Variants in DIPK1A observed in about 807,000 individuals in gnomAD.
The protein encoded by DIPK1A is divergent protein kinase domain 1A.
Under a neutral mutation model 40.8 loss-of-function variants are expected in DIPK1A, and 27 were observed. The ratio of observed to expected loss-of-function variants is 0.66; its 90% CI spans 0.49 to 0.91. The LOEUF is 0.91. Among genes scored for constraint, DIPK1A ranks in the 40% least tolerant of loss-of-function variants. The pLI is 0.00. For missense variants in DIPK1A, 412 were observed against 505.7 expected (o/e 0.81, Z 1.78); for synonymous variants, 166 against 171.3 (o/e 0.97, Z 0.24).
chr1:92,936,765 T>C (rs1650961957), intron 1 of DIPK1A, among the ~76,000 whole-genome samples: 1 of 152,246 alleles, frequency 6.6e-6, no homozygotes, highest in Admixed American at 6.5e-5. Context: ...TATTGCTTTA[T>C]TGAGTGCTGT....
intron 1 of DIPK1A, among the ~76,000 whole-genome samples, chr1:92,914,389 T>A (rs949922176): frequency 1.3e-5 from 2 of 151,946 alleles, no homozygotes; most frequent in African/African-American, 4.8e-5. Flanking sequence ...AAAGTGGAAA[T>A]AGGAAGACAT....
At chr1:92,877,260 G>A in intron 1 of DIPK1A, 2 of 384,778 alleles carry the variant, frequency 5.2e-6, no homozygotes, top group Non-Finnish European at 7.1e-6. Context: ...ACTTGATCAA[G>A]ACTATTTGAC....
At chr1:92,897,695 T>C (rs1483449087) in intron 1 of DIPK1A, among the ~76,000 whole-genome samples, 1 of 151,944 alleles carries the variant, frequency 6.6e-6, no homozygotes, top group Non-Finnish European at 1.5e-5. Context: ...CATTGACCCA[T>C]TGGTCACTCA....
intron 1 of DIPK1A, among the ~76,000 whole-genome samples, chr1:92,945,256 A>G (rs1488645554): frequency 6.6e-6 from 1 of 152,312 alleles, no homozygotes; most frequent in East Asian, 1.9e-4. Context: ...AGATGGTGCC[A>G]GAAAAAGAAG....
At chr1:92,837,882 A>T, downstream of DIPK1A, 1 of 514,308 alleles carries the variant, frequency 1.9e-6, no homozygotes, top group Non-Finnish European at 3.5e-6. Flanking sequence ...CATAGTTGTA[A>T]TCTGCTTTGT....
At chr1:92,919,154 A>G (rs1650174230) in intron 1 of DIPK1A, among the ~76,000 whole-genome samples, 1 of 152,226 alleles carries the variant, frequency 6.6e-6, no homozygotes, top group Non-Finnish European at 1.5e-5. Flanking sequence ...CCTATACAAT[A>G]AACACTAAAA....
intron 1 of DIPK1A, among the ~76,000 whole-genome samples, chr1:92,906,769 T>C (rs757994863): frequency 3.3e-5 from 5 of 152,146 alleles, no homozygotes; most frequent in Non-Finnish European, 7.4e-5. Context: ...CACGATGCCA[T>C]GGAATTCCGT....
chr1:92,872,392 T>C (rs1647917186), intron 2 of DIPK1A, among the ~76,000 whole-genome samples: 1 of 152,032 alleles, frequency 6.6e-6, no homozygotes, highest in African/African-American at 2.4e-5. Flanking sequence ...TTGATTCTTT[T>C]TTATATATTA....
intron 1 of DIPK1A, among the ~76,000 whole-genome samples, chr1:92,954,311 T>A (rs185751158): frequency 0.11 from 15,123 of 143,010 alleles, 1,018 homozygotes; most frequent in Non-Finnish European, 0.15. Context: ...AAAAAAAAAA[T>A]AAATAAATAA....
At chr1:92,878,660 A>C (rs1001268877) in intron 1 of DIPK1A, among the ~76,000 whole-genome samples, 1 of 152,168 alleles carries the variant, frequency 6.6e-6, no homozygotes, top group Non-Finnish European at 1.5e-5. Context: ...CTCTACTAAA[A>C]ATACAAAAAA....
intron 4 of DIPK1A, chr1:92,835,027 T>C: frequency 6.8e-7 from 1 of 1,469,920 alleles, no homozygotes; most frequent in East Asian, 2.3e-5. Flanking sequence ...GGAGAGTGCT[T>C]GCTTCCAGTT....
chr1:92,884,152 G>T (rs1648498045), intron 1 of DIPK1A, among the ~76,000 whole-genome samples: 1 of 152,092 alleles, frequency 6.6e-6, no homozygotes, highest in Non-Finnish European at 1.5e-5. Flanking sequence ...GAACTCCAAA[G>T]TATTAGAAAT....
At chr1:92,865,041 C>CAAAA (rs56735279) in intron 2 of DIPK1A, among the ~76,000 whole-genome samples, 153 of 68,938 alleles carry the variant, frequency 2.2e-3, no homozygotes, top group Middle Eastern at 0.011. Flanking sequence ...GACTCCGTCT[C>CAAAA]AAAAAAAAAA....
Position 92,843,430 on chromosome 1 carries a change from GGTTA to G in DIPK1A, c.1236_1239del (p.Asn413Ter). 1 of 1,550,058 alleles carries G rather than the reference GGTTA, an allele frequency of 6.5e-7. No homozygotes were observed. On this transcript the variant is annotated frameshift_variant, in exon 5 of 5. Transcript: ENST00000370310. LOFTEE classifies it high-confidence loss of function. ...ATTTTCTTCCACAATAATGTTTTTA[GGTTA>G]TTTAGTATCAAAGAATGTTCCATTT... is the stretch of plus-strand genomic sequence containing the variant.
intron 1 of DIPK1A, among the ~76,000 whole-genome samples, chr1:92,928,129 A>G (rs191980937): frequency 1.3e-5 from 2 of 151,680 alleles, no homozygotes; most frequent in East Asian, 3.9e-4. Context: ...TTATTGTTCT[A>G]TCTTTTTTAT....
chr1:92,888,417 TTTCTTTA>T (rs1445024001), intron 1 of DIPK1A, among the ~76,000 whole-genome samples: 1 of 152,214 alleles, frequency 6.6e-6, no homozygotes, highest in Admixed American at 6.5e-5. Flanking sequence ...TATATCACAT[TTTCTTTA>T]TTCATCTGTT....
At position 92,844,187 on chromosome 1, in the gene DIPK1A, C is replaced by G; in HGVS notation, c.483G>C (p.Leu161Phe). Reference sequence around the variant, plus strand: ...GTTCAGAGAGGTTTCCTTGGTCACCCAATTTTGCCTGTCAAGAATTTGGCT... The same window carrying G: ...GTTCAGAGAGGTTTCCTTGGTCACCGAATTTTGCCTGTCAAGAATTTGGCT... ...EMVYSLFKAK[L>F]GDQGNLSELV... Residue 161 changes from leucine (L) to phenylalanine (F), a missense_variant, in exon 5 of 5, where the codon TTG (leucine) becomes TTC (phenylalanine). Coordinates refer to ENST00000370310, the MANE Select transcript of DIPK1A (RefSeq NM_001006605.5). 8 of 1,542,784 alleles carry G rather than the reference C, an allele frequency of 5.2e-6. No individual in the cohort carries two copies. The highest frequency in any genetic ancestry group is 6.1e-6 in the Non-Finnish European group (7 of 1,141,126).
intron 1 of DIPK1A, among the ~76,000 whole-genome samples, chr1:92,958,819 T>G (rs1452344666): frequency 6.6e-6 from 1 of 152,236 alleles, no homozygotes; most frequent in African/African-American, 2.4e-5. Context: ...TCAAATTTAG[T>G]TAGTAATCTC....
intron 1 of DIPK1A, among the ~76,000 whole-genome samples, chr1:92,949,878 T>A (rs1431805868): frequency 6.6e-6 from 1 of 152,222 alleles, no homozygotes; most frequent in African/African-American, 2.4e-5. Context: ...CAATTATGTA[T>A]GCTGATTCAT....
Sources: allele counts gnomAD v4.1 joint callset (sites outside exome capture counted in the v4.1 genomes callset), GRCh38; gene constraint gnomAD v4.1.1; transcripts MANE v1.5; gene names NCBI Gene and HGNC (gene_info 2026-07-23, HGNC 2026-07-21).